Variants in DHRSX observed in about 807,000 individuals in gnomAD.
DHRSX encodes polyprenol dehydrogenase.
A neutral mutation model predicts 34.0 loss-of-function variants in DHRSX; 31 were observed. That is an observed-to-expected ratio of 0.91 (90% CI 0.69 to 1.23). The LOEUF is 1.23. Ranked by LOEUF, DHRSX falls within the 50% of genes most tolerant of loss-of-function variation. The pLI, the probability that DHRSX is intolerant of heterozygous loss-of-function variation, is 0.00. For synonymous variants in DHRSX, 201 were observed against 183.8 expected (o/e 1.09, Z -0.76); for missense variants, 414 against 428.1 (o/e 0.97, Z 0.29).
chrX:2,321,175 A>G (rs918317451), intron 3 of DHRSX, among the ~76,000 whole-genome samples: 5 of 152,118 alleles, frequency 3.3e-5, no homozygotes, highest in Non-Finnish European at 5.9e-5. Flanking sequence ...ATATAAATAA[A>G]TGTTTGCACT....
rs1372581599 is a variant in DHRSX, at chrX:2,408,848, T to A, written c.218-35A>T. 6.4e-6 allele frequency: 10 copies of A among 1,557,440 alleles called. No individual in the cohort carries two copies. The African/African-American group carries it at 1.3e-4, about 20-fold the overall frequency. On this transcript the variant is annotated intron_variant, in intron 2 of 6. Coordinates refer to ENST00000334651, the MANE Select transcript of DHRSX (RefSeq NM_145177.3). ...AAAAGAAAAAAAAGATACGGTGACT[T>A]GTAGGATTATCCAGAAACTATTAAC...
intron 1 of DHRSX, among the ~76,000 whole-genome samples, chrX:2,474,405 A>T (rs1170835566): frequency 6.6e-6 from 1 of 151,952 alleles, no homozygotes; most frequent in Non-Finnish European, 1.5e-5. Context: ...ACGTTCCCTA[A>T]GTATGTGGCT....
chrX:2,246,507 C>G (rs1417080617), intron 5 of DHRSX, among the ~76,000 whole-genome samples: 1 of 151,664 alleles, frequency 6.6e-6, no homozygotes, highest in Admixed American at 6.6e-5. Context: ...CCTGTAGACC[C>G]AACTACTTGG....
intron 3 of DHRSX, among the ~76,000 whole-genome samples, chrX:2,298,404 A>AC (rs954217860): frequency 7.9e-5 from 12 of 151,390 alleles, no homozygotes; most frequent in African/African-American, 1.7e-4. Flanking sequence ...TAAAAAAAAA[A>AC]AAAACAATTT....
intron 1 of DHRSX, among the ~76,000 whole-genome samples, chrX:2,459,559 T>TAC (rs2044370960): frequency 1.3e-5 from 1 of 79,366 alleles, no homozygotes; most frequent in South Asian, 3.7e-4. Flanking sequence ...TGTATATATA[T>TAC]ATATATATAT....
At chrX:2,429,168 A>G (rs1271621032) in intron 1 of DHRSX, among the ~76,000 whole-genome samples, 2 of 151,630 alleles carry the variant, frequency 1.3e-5, no homozygotes, top group African/African-American at 2.4e-5. Context: ...ACCCAAGCTG[A>G]GGGACTTGCA....
chrX:2,246,725 AAAG>A (rs1469684156), intron 5 of DHRSX, among the ~76,000 whole-genome samples: 3 of 103,860 alleles, frequency 2.9e-5, no homozygotes, highest in African/African-American at 1.1e-4. Flanking sequence ...AGAAAGAAAG[AAAG>A]AAAGAAAGAA....
At chrX:2,487,962 G>A (rs1237581234) in intron 1 of DHRSX, 1 of 151,732 alleles carries the variant, frequency 6.6e-6, no homozygotes, top group African/African-American at 2.4e-5. Context: ...AGGCTCCTTC[G>A]ACGCCACCCA....
At chrX:2,425,468 A>G (rs2043833019) in intron 1 of DHRSX, among the ~76,000 whole-genome samples, 164 bp from the exon 2 acceptor site, 1 of 152,166 alleles carries the variant, frequency 6.6e-6, no homozygotes, top group Admixed American at 6.5e-5. Context: ...GCATGAATGT[A>G]TTAAAGTGGA....
At chrX:2,394,968 G>T (rs1218977907) in intron 3 of DHRSX, among the ~76,000 whole-genome samples, 2 of 151,572 alleles carry the variant, frequency 1.3e-5, no homozygotes, top group Non-Finnish European at 2.9e-5. Context: ...GATGGAGGGA[G>T]GTTGGAGTCC....
intron 3 of DHRSX, among the ~76,000 whole-genome samples, chrX:2,292,937 C>A (rs1324501609): frequency 1.3e-5 from 2 of 152,056 alleles, no homozygotes; most frequent in African/African-American, 2.4e-5. Context: ...TAAAAGAAAG[C>A]ATTTTATTTT....
intron 1 of DHRSX, among the ~76,000 whole-genome samples, chrX:2,484,599 T>A (rs1358349635): frequency 6.6e-6 from 1 of 152,202 alleles, no homozygotes; most frequent in Non-Finnish European, 1.5e-5. Context: ...GCCGTTTTGC[T>A]GCAGACGGTC....
intron 4 of DHRSX, among the ~76,000 whole-genome samples, chrX:2,286,487 C>T (rs2041806537): frequency 1.3e-5 from 2 of 152,294 alleles, no homozygotes; most frequent in Admixed American, 1.3e-4. Context: ...CTGGGTACCT[C>T]GGGAGGCCCC....
chrX:2,253,145 G>A (rs763351884), intron 5 of DHRSX, among the ~76,000 whole-genome samples: 41 of 152,308 alleles, frequency 2.7e-4, no homozygotes, highest in African/African-American at 9.1e-4. Context: ...CCAAGATAGC[G>A]TCACTGCACG....
chrX:2,245,037 A>G (rs2016245027), intron 5 of DHRSX, among the ~76,000 whole-genome samples: 1 of 152,084 alleles, frequency 6.6e-6, no homozygotes, highest in African/African-American at 2.4e-5. Flanking sequence ...CACATGGTAT[A>G]TGTATCCTGA....
chrX:2,258,959 T>C (rs1235526608), intron 5 of DHRSX, among the ~76,000 whole-genome samples: 1 of 152,124 alleles, frequency 6.6e-6, no homozygotes, highest in Admixed American at 6.6e-5. Flanking sequence ...GCAGTGTAAG[T>C]TGAATTGTAA....
chrX:2,433,595 C>G (rs1477774411), intron 1 of DHRSX, among the ~76,000 whole-genome samples: 1 of 152,036 alleles, frequency 6.6e-6, no homozygotes, highest in East Asian at 1.9e-4. Flanking sequence ...TGATGTCCCC[C>G]TCCCTGCGTC....
Position 2,221,226 on chromosome X carries a change from G to T in DHRSX, c.808C>A (p.Pro270Thr). ...ATGGAAGTCCACGCTCCTTCATCGG[G>T]GGTCTGGTGGAAGAAGAAAAGAAGG... The part of the protein sequence containing the change: ...KLLGWLLFKT[P>T]DEGAWTSIYA... The change falls in exon 7 of 7, where the codon CCC becomes ACC. Residue 270 changes from proline (P) to threonine (T), a missense_variant. Transcript: ENST00000334651. 1 of 1,612,412 alleles carries T rather than the reference G, an allele frequency of 6.2e-7. No individual in the cohort carries two copies. Among genetic ancestry groups the T allele is most frequent in the Non-Finnish European group, 8.5e-7 (1 of 1,179,172 alleles).
At chrX:2,236,279 G>A (rs1443152124) in intron 6 of DHRSX, among the ~76,000 whole-genome samples, 5 of 152,220 alleles carry the variant, frequency 3.3e-5, no homozygotes, top group East Asian at 1.9e-4. Flanking sequence ...CCCTGTCTTC[G>A]GAGGTTTTGG....
Sources: allele counts gnomAD v4.1 joint callset (sites outside exome capture counted in the v4.1 genomes callset), GRCh38; gene constraint gnomAD v4.1.1; transcripts MANE v1.5; gene names NCBI Gene and HGNC (gene_info 2026-07-23, HGNC 2026-07-21).